Variants in NTN5 observed in about 807,000 individuals in gnomAD.
The protein encoded by NTN5 is netrin-5.
A neutral mutation model predicts 38.7 loss-of-function variants in NTN5; 42 were observed. The ratio of observed to expected loss-of-function variants is 1.08; its 90% CI spans 0.85 to 1.40. NTN5 has a LOEUF of 1.40. NTN5 is among the 40% of genes most tolerant of loss of function. NTN5 has a pLI of 0.00. For synonymous variants in NTN5, 329 were observed against 303.9 expected, an observed-to-expected ratio of 1.08 and a Z score of -0.86; for missense variants, 658 against 716.5, an observed-to-expected ratio of 0.92 and a Z score of 0.93.
At chr19:48,672,373 G>C (rs1348954702) in intron 1 of NTN5, among the ~76,000 whole-genome samples, 1 of 152,194 alleles carries the variant, frequency 6.6e-6, no homozygotes, top group East Asian at 1.9e-4. Context: ...CAGGCCCTTG[G>C]CTCTGAATCT....
intron 1 of NTN5, among the ~76,000 whole-genome samples, chr19:48,672,330 GCTCA>G (rs2031983345): frequency 1.3e-5 from 2 of 152,208 alleles, no homozygotes; most frequent in South Asian, 4.1e-4. Flanking sequence ...CTGGTGAGGA[GCTCA>G]CTGTGGACTG....
chr19:48,670,471 G>A lies in NTN5; in HGVS notation c.516C>T (p.Pro172=), dbSNP rs750358674. The change falls in exon 2 of 7, where the codon CCC becomes CCT. Residue 172 remains proline, a synonymous_variant. Transcript: ENST00000270235. ...HAARCAARAR[P]PRCHCRHHTT... ...TATGGTGGCGGCAGTGGCAGCGGGG[G>A]GGCCGGGCACGGGCGGCACAGCGGG... The A allele has an allele frequency of 8.1e-6, 12 of 1,475,878 alleles. No individual in the cohort carries two copies. Among genetic ancestry groups the A allele is most frequent in the South Asian group, 1.4e-5 (1 of 71,820 alleles). 91.4% of individuals were successfully genotyped at this position (1,475,878 alleles called of 1,614,324 possible).
intron 2 of NTN5, among the ~76,000 whole-genome samples, chr19:48,669,971 A>AC (rs2031903166): frequency 2.3e-4 from 7 of 30,158 alleles, no homozygotes; most frequent in East Asian, 2.0e-3. Context: ...CATCACCACC[A>AC]TCATCACCAT....
At chr19:48,663,902 T>G in intron 4 of NTN5, 88 bp from the exon 5 acceptor site, 1 of 1,354,560 alleles carries the variant, frequency 7.4e-7, no homozygotes, top group Non-Finnish European at 1.1e-6. Context: ...ACCCAAACTC[T>G]TAAGTGTTTA....
chr19:48,662,893 C>T (rs1038635697), intron 6 of NTN5: 12 of 211,926 alleles, frequency 5.7e-5, no homozygotes, highest in African/African-American at 9.2e-5. Context: ...GATGAGGTTC[C>T]TGAGGGAGAA....
chr19:48,669,664 CCATCACCAT>C lies in NTN5; in HGVS notation c.631+683_631+691del, dbSNP rs1456433445. The stretch of plus-strand genomic sequence containing the variant: ...ACCATCACCACCACCAACACCACCA[CCATCACCAT>C]CATCACCACCATCACCACCACCATC... On this transcript the variant is annotated intron_variant, in intron 2 of 6. Transcript: ENST00000270235. 3.8e-5 allele frequency among the ~76,000 whole-genome samples: 4 copies of C among 104,104 alleles called. No individual in the cohort carries two copies. In the Admixed American group the frequency reaches 3.9e-4, roughly 10 times the overall value. 68.3% of individuals were successfully genotyped at this position (104,104 alleles called of 152,430 possible).
intron 2 of NTN5, among the ~76,000 whole-genome samples, chr19:48,667,696 G>A (rs1021567501): frequency 1.3e-5 from 2 of 151,944 alleles, no homozygotes; most frequent in Non-Finnish European, 2.9e-5. Flanking sequence ...ATCTCTACTA[G>A]AAATACAAAA....
rs1229687315 is a variant in NTN5, at chr19:48,664,573, A to G, written c.820+6T>C. On this transcript the variant is annotated splice_donor_region_variant and intron_variant, in intron 3 of 6. Transcript: ENST00000270235. ...CCCCCCAGGCCTGTCTGCAGGCCAC[A>G]CTCACCTCTGCAGGCCCTGCGGCTG... The G allele has an allele frequency of 6.2e-7, 1 of 1,604,754 alleles. No individual in the cohort carries two copies. The highest frequency in any genetic ancestry group is 1.3e-5 in the African/African-American group (1 of 74,674).
chr19:48,671,095 C>T, intron 1 of NTN5, 89 bp from the exon 2 acceptor site: 1 of 978,670 alleles, frequency 1.0e-6, no homozygotes, highest in Non-Finnish European at 1.4e-6. Context: ...GGCATTCCAC[C>T]CCCAACCCGT....
intron 2 of NTN5, 139 bp from the exon 3 acceptor site, chr19:48,664,906 A>T: frequency 1.5e-6 from 1 of 645,866 alleles, no homozygotes; most frequent in African/African-American, 1.9e-5. Flanking sequence ...GTCCCAGGAC[A>T]TCTCTATTAT....
rs544641083 is a variant in NTN5 at position 48,664,739 on chromosome 19, G to C, written c.660C>G (p.Arg220=). The change falls in exon 3 of 7, where the codon CGC becomes CGG. Residue 220 remains arginine (R), a synonymous_variant. Transcript: ENST00000270235. ...TGAACAGCTCAGAGTTGAACCGGCA[G>C]CGTCGGGCGTGCTGGTTGCAGGAGC... The part of the protein sequence containing the change: ...LPCSCNQHAR[R]CRFNSELFRL... 1.5e-5 allele frequency: 24 copies of C among 1,578,842 alleles called. No individual in the cohort carries two copies. Among genetic ancestry groups the C allele is most frequent in the Non-Finnish European group, 3.4e-6 (4 of 1,163,252 alleles).
intron 2 of NTN5, among the ~76,000 whole-genome samples, chr19:48,669,630 CCAGTCAT>C (rs1686386947): frequency 1.1e-3 from 1 of 892 alleles, no homozygotes; most frequent in Non-Finnish European, 1.9e-3. Flanking sequence ...ATCACCACCA[CCAGTCAT>C]CACCATCACC....
At chr19:48,665,154 A>C (rs1457520640) in intron 2 of NTN5, among the ~76,000 whole-genome samples, 1 of 151,494 alleles carries the variant, frequency 6.6e-6, no homozygotes, top group Admixed American at 6.6e-5. Flanking sequence ...ACATCTTTTA[A>C]ATGGGTAGGC....
rs1029829749 is a variant in NTN5 at position 48,670,462 on chromosome 19, G to T, written c.525C>A (p.Cys175Ter). ...GGCCAGTGGTATGGTGGCGGCAGTG[G>T]CAGCGGGGGGGCCGGGCACGGGCGG... ...RCAARARPPR[C>*]HCRHHTTGPG... Residue 175 changes from cysteine to a stop codon, truncating the protein, a stop_gained, in exon 2 of 7, where the codon TGC becomes TGA. Coordinates refer to ENST00000270235, the MANE Select transcript of NTN5 (RefSeq NM_145807.4). LOFTEE classifies it high-confidence loss of function. 6.8e-7 allele frequency: 1 copy of T among 1,476,264 alleles called. No individual in the cohort carries two copies. The highest frequency in any genetic ancestry group is 1.4e-5 in the South Asian group (1 of 71,810). The allele number at this position is 1,476,264 out of a possible 1,614,324, so 91.4% of individuals were successfully genotyped here. A position where few individuals can be genotyped will look rare whatever the true frequency, so the allele number is the denominator to read the frequency against.
intron 2 of NTN5, among the ~76,000 whole-genome samples, chr19:48,669,202 C>G (rs1321773459): frequency 8.8e-5 from 1 of 11,312 alleles, no homozygotes; most frequent in African/African-American, 1.2e-3. Flanking sequence ...TCACCACCAT[C>G]ACCATCACCA....
At chr19:48,671,231 A>G (rs1316972194) in intron 1 of NTN5, among the ~76,000 whole-genome samples, 1 of 152,110 alleles carries the variant, frequency 6.6e-6, no homozygotes, top group Admixed American at 6.5e-5. Flanking sequence ...ACTAATCCGT[A>G]GCTTAACACC....
chr19:48,669,502 C>G (rs149868891), intron 2 of NTN5, among the ~76,000 whole-genome samples: 43 of 80,904 alleles, frequency 5.3e-4, no homozygotes, highest in African/African-American at 2.0e-3. Context: ...TCACCACCAC[C>G]ACGACCATCA....
Position 48,672,922 on chromosome 19 carries a change from T to C in NTN5, c.-21+10A>G, listed in dbSNP as rs2031999308. 4.4e-6 allele frequency: 1 copy of C among 228,420 alleles called. No homozygotes were observed. Among genetic ancestry groups the C allele is most frequent in the South Asian group, 4.3e-5 (1 of 23,254 alleles). The allele number at this position is 228,420 out of a possible 1,614,324, so 14.1% of individuals were successfully genotyped here. On this transcript the variant is annotated intron_variant, in intron 1 of 6. Transcript: ENST00000270235. ...CAACCCGAGCCCTGAGGCCCCGACATTGGCCAAACCTGCACTCAAGAAGAG... is the reference window on the plus strand; with the variant it reads ...CAACCCGAGCCCTGAGGCCCCGACACTGGCCAAACCTGCACTCAAGAAGAG...
At chr19:48,665,365 G>A (rs2031672958) in intron 2 of NTN5, among the ~76,000 whole-genome samples, 1 of 151,448 alleles carries the variant, frequency 6.6e-6, no homozygotes, top group Admixed American at 6.6e-5. Context: ...GAACCCGGGA[G>A]GTGGAGGTTG....
Sources: gnomAD v4.1 joint callset for allele counts (sites outside exome capture counted in the v4.1 genomes callset) on GRCh38, gnomAD v4.1.1 for gene constraint, MANE v1.5 for transcripts, NCBI Gene and HGNC (gene_info 2026-07-23, HGNC 2026-07-21) for gene names.